The following DOCK2 variants were observed in gnomAD, a reference collection of about 807,000 sequenced individuals.
The protein encoded by DOCK2 is dedicator of cytokinesis 2.
DOCK2 carries 87 observed loss-of-function variants against 248.9 expected under a neutral mutation model. The ratio of observed to expected loss-of-function variants is 0.35; its 90% CI spans 0.29 to 0.42. The LOEUF is 0.42. DOCK2 is among the 10% of genes least tolerant of loss of function. DOCK2 has a pLI of 1.00. For missense variants in DOCK2, 1,747 were observed against 2,300.2 expected (o/e 0.76, Z 4.92); for synonymous variants, 805 against 821.6 (o/e 0.98, Z 0.35).
At chr5:169,937,522 T>G (rs1345994166) in intron 27 of DOCK2, among the ~76,000 whole-genome samples, 2 of 152,254 alleles carry the variant, frequency 1.3e-5, no homozygotes, top group African/African-American at 2.4e-5. Flanking sequence ...CTAATGAGAT[T>G]AGTAAAAGCA....
intron 36 of DOCK2, 185 bp from the exon 37 acceptor site, chr5:170,040,870 T>G (rs1756491407): frequency 3.5e-6 from 2 of 579,574 alleles, no homozygotes; most frequent in Admixed American, 5.8e-5. Flanking sequence ...GTACCTGTCA[T>G]GCACTAAGTA....
chr5:169,761,791 C>G (rs1764501973), intron 25 of DOCK2, among the ~76,000 whole-genome samples, 166 bp downstream of exon 25: 1 of 152,210 alleles, frequency 6.6e-6, no homozygotes, highest in South Asian at 2.1e-4. Flanking sequence ...TAGCTGACAA[C>G]TTAGATATCA....
At chr5:169,874,840 T>C (rs1772220253) in intron 27 of DOCK2, among the ~76,000 whole-genome samples, 1 of 151,978 alleles carries the variant, frequency 6.6e-6, no homozygotes, top group Admixed American at 6.6e-5. Context: ...AATGTAAGCC[T>C]GGGCCCCAGA....
At position 169,727,109 on chromosome 5, in the gene DOCK2, A is replaced by C. The variant is rs149357821; in HGVS notation, c.2267+8318A>C. The stretch of plus-strand genomic sequence containing the variant: ...AAAAAGAAAGAAAGAAAAGAAAAGG[A>C]GCCAGTCCATGGGACGAAAGAGACT... On this transcript the variant is annotated intron_variant, in intron 22 of 51. Transcript: ENST00000520908. Among the ~76,000 whole-genome samples, 30 of 151,468 alleles carry C rather than the reference A, an allele frequency of 2.0e-4. No individual in the cohort carries two copies. In the East Asian group the frequency reaches 5.8e-3, roughly 29 times the overall value.
chr5:169,891,303 T>C (rs1476098270), intron 27 of DOCK2, among the ~76,000 whole-genome samples: 3 of 152,232 alleles, frequency 2.0e-5, no homozygotes, highest in African/African-American at 7.2e-5. Flanking sequence ...ATTAGCTTAT[T>C]TGTGTATTAT....
At chr5:170,014,814 A>G (rs1006202376) in intron 32 of DOCK2, among the ~76,000 whole-genome samples, 3 of 152,162 alleles carry the variant, frequency 2.0e-5, no homozygotes, top group African/African-American at 7.2e-5. Flanking sequence ...GCACAGGACC[A>G]GACATGCTCC....
chr5:170,045,626 C>T (rs796485636), intron 38 of DOCK2, among the ~76,000 whole-genome samples, 190 bp from the exon 39 acceptor site: 8 of 152,298 alleles, frequency 5.3e-5, no homozygotes, highest in East Asian at 1.9e-4. Context: ...CAAGAAACTC[C>T]GGTGAGAGGC....
At chr5:169,960,230 C>T (rs996111089) in intron 27 of DOCK2, among the ~76,000 whole-genome samples, 3 of 152,290 alleles carry the variant, frequency 2.0e-5, no homozygotes, top group African/African-American at 7.2e-5. Context: ...CTACAGAAAG[C>T]TGTGTATGCC....
intron 27 of DOCK2, chr5:169,883,897 A>G: frequency 1.3e-6 from 2 of 1,497,554 alleles, no homozygotes; most frequent in Non-Finnish European, 1.8e-6. Context: ...TTGCTGGGCC[A>G]TTGAGCCTCA....
intron 25 of DOCK2, among the ~76,000 whole-genome samples, chr5:169,788,567 T>A (rs530286159): frequency 6.6e-6 from 1 of 152,344 alleles, no homozygotes; most frequent in South Asian, 2.1e-4. Flanking sequence ...GAATTTGTCC[T>A]CTTCTATCCT....
intron 26 of DOCK2, among the ~76,000 whole-genome samples, chr5:169,806,961 T>C (rs773849887): frequency 1.1e-4 from 17 of 151,410 alleles, no homozygotes; most frequent in Non-Finnish European, 2.4e-4. Flanking sequence ...CTCATTCTTC[T>C]TGGGTGCGGC....
chr5:169,797,540 C>T (rs1004728071), intron 25 of DOCK2, among the ~76,000 whole-genome samples: 1 of 152,180 alleles, frequency 6.6e-6, no homozygotes, highest in Admixed American at 6.5e-5. Context: ...CCAGAAATAC[C>T]GCATTTTCCT....
chr5:169,697,966 A>G (rs947603242), intron 10 of DOCK2, among the ~76,000 whole-genome samples: 1 of 152,182 alleles, frequency 6.6e-6, no homozygotes, highest in African/African-American at 2.4e-5. Flanking sequence ...GAGGGTGGAT[A>G]TTTCATGAGA....
intron 27 of DOCK2, among the ~76,000 whole-genome samples, chr5:169,910,299 A>T (rs1337066555): frequency 6.6e-6 from 1 of 152,224 alleles, no homozygotes; most frequent in African/African-American, 2.4e-5. Flanking sequence ...ACCGCATGGA[A>T]TATGTAAGGA....
At chr5:169,847,581 A>G (rs745322915) in intron 27 of DOCK2, among the ~76,000 whole-genome samples, 4 of 152,202 alleles carry the variant, frequency 2.6e-5, no homozygotes, top group Non-Finnish European at 5.9e-5. Context: ...TTTTAATGCA[A>G]TAAACTATAC....
intron 27 of DOCK2, among the ~76,000 whole-genome samples, chr5:169,945,525 C>T (rs144154327): frequency 1.1e-4 from 17 of 152,324 alleles, no homozygotes; most frequent in Middle Eastern, 3.4e-3. Context: ...TCTTCCCAGG[C>T]GTTCTTTTTT....
chr5:169,985,577 T>G (rs555291531), intron 28 of DOCK2, among the ~76,000 whole-genome samples: 18 of 152,338 alleles, frequency 1.2e-4, no homozygotes, highest in African/African-American at 4.1e-4. Context: ...TACTTCTTTA[T>G]TCCCAAAGAT....
At chr5:169,978,376 T>C (rs1220355397) in intron 27 of DOCK2, among the ~76,000 whole-genome samples, 2 of 14,372 alleles carry the variant, frequency 1.4e-4, no homozygotes, top group South Asian at 2.2e-3. Flanking sequence ...GCTCTGTGTA[T>C]GTGTGTGTGT....
chr5:169,677,279 A>T (rs1032027654), intron 6 of DOCK2, among the ~76,000 whole-genome samples: 1 of 152,104 alleles, frequency 6.6e-6, no homozygotes, highest in South Asian at 2.1e-4. Context: ...ACCCTTCCTA[A>T]CTCTGATTTA....
Sources: gnomAD v4.1 joint callset for allele counts (sites outside exome capture counted in the v4.1 genomes callset) on GRCh38, gnomAD v4.1.1 for gene constraint, MANE v1.5 for transcripts, NCBI Gene and HGNC (gene_info 2026-07-23, HGNC 2026-07-21) for gene names.